Variants in PECR observed in about 807,000 individuals in gnomAD.
The protein encoded by PECR is 2,4-dienoyl-CoA reductase-related protein.
PECR carries 30 observed loss-of-function variants against 35.3 expected under a neutral mutation model. The observed-to-expected ratio is 0.85, with a 90% CI of 0.64 to 1.15. The LOEUF is 1.15. Among genes scored for constraint, PECR ranks in the 50% most tolerant of loss-of-function variants. The probability of loss-of-function intolerance (pLI) is 0.00; values close to 1 mark genes in which losing one functional copy is unlikely to be tolerated. For missense variants in PECR, 392 were observed against 370.8 expected (o/e 1.06, Z -0.47); for synonymous variants, 148 against 138.9 (o/e 1.07, Z -0.46).
rs376513175 is a variant in PECR at position 216,066,469 on chromosome 2, C to T, written c.174G>A (p.Ala58=). 276 of 1,613,510 alleles carry T rather than the reference C, an allele frequency of 1.7e-4. No individual in the cohort carries two copies. Among genetic ancestry groups the T allele is most frequent in the Middle Eastern group, 1.3e-3 (8 of 6,058 alleles). ...GTAGGTTGGCCTGCAGTTCATCTGC[C>T]GCAGACTTCAATCTCTCCAACTTAC... ...ASRKLERLKS[A]ADELQANLPP... The change falls in exon 2 of 8, where the codon GCG becomes GCA. Residue 58 remains alanine (A), a synonymous_variant. Coordinates refer to ENST00000265322, the MANE Select transcript of PECR (RefSeq NM_018441.6).
intron 3 of PECR, among the ~76,000 whole-genome samples, chr2:216,061,235 C>T (rs544207440): frequency 1.4e-5 from 2 of 139,198 alleles, no homozygotes; most frequent in African/African-American, 5.3e-5. Context: ...TCGATTGAGC[C>T]CAGGGGGTGG....
At chr2:216,047,828 A>G (rs1406204952) in intron 6 of PECR, among the ~76,000 whole-genome samples, 1 of 152,168 alleles carries the variant, frequency 6.6e-6, no homozygotes, top group African/African-American at 2.4e-5. Flanking sequence ...GGGAAACCTG[A>G]CTTTTTAATA....
In PECR at chr2:216,042,990, T is replaced by C. The variant is rs561528175; in HGVS notation, c.826+914A>G. On this transcript the variant is annotated intron_variant, in intron 7 of 7. Transcript: ENST00000265322. The stretch of plus-strand genomic sequence containing the variant: ...ACATACGTATATGTGTATATATATA[T>C]ACATACGTATATGTGTATATATATA... Among the ~76,000 whole-genome samples, 86 of 120,746 alleles carry C rather than the reference T, an allele frequency of 7.1e-4. 1 individual carries two copies. Among genetic ancestry groups the C allele is most frequent in the Non-Finnish European group, 1.1e-3 (60 of 55,476 alleles). 79.2% of individuals were successfully genotyped at this position (120,746 alleles called of 152,430 possible).
Position 216,039,344 on chromosome 2 carries a change from G to A in PECR, c.843C>T (p.Pro281=). Residue 281 remains proline, a synonymous_variant, in exon 8 of 8, where the codon CCC becomes CCT. Transcript: ENST00000265322. The part of the protein sequence containing the change: ...SYEVPDHDNW[P]KGAGDLSVVK... ...CAACAGAAAGGTCCCCTGCTCCCTT[G>A]GGCCAGTTGTCATGATCTGTTAAAG... 3.1e-6 allele frequency: 5 copies of A among 1,603,354 alleles called. No individual in the cohort carries two copies. The highest frequency in any genetic ancestry group is 4.3e-6 in the Non-Finnish European group (5 of 1,170,282).
chr2:216,055,113 C>CAA (rs955021535), intron 4 of PECR, among the ~76,000 whole-genome samples: 996 of 54,464 alleles, frequency 0.018, 15 homozygotes, highest in African/African-American at 0.063. Flanking sequence ...CTGTGTCTTA[C>CAA]AAAAAAAAAA....
intron 6 of PECR, among the ~76,000 whole-genome samples, chr2:216,049,016 A>G (rs999090221): frequency 6.6e-6 from 1 of 152,186 alleles, no homozygotes; most frequent in African/African-American, 2.4e-5. Context: ...GTAGCTGAAA[A>G]TACAGTAAAA....
At chr2:216,044,200 C>G (rs2163015) in intron 6 of PECR, among the ~76,000 whole-genome samples, 185 bp from the exon 7 acceptor site, 10,926 of 152,274 alleles carry the variant, frequency 0.072, 568 homozygotes, top group South Asian at 0.2. Context: ...CCCTTTCTAC[C>G]TGAGCATCAC....
chr2:216,031,924 C>T (rs757284347), intron 7 of PECR, among the ~76,000 whole-genome samples: 6 of 152,162 alleles, frequency 3.9e-5, no homozygotes, highest in African/African-American at 1.4e-4. Flanking sequence ...TCTACTTCTC[C>T]GTATTTTTGT....
downstream of PECR, among the ~76,000 whole-genome samples, chr2:216,036,336 C>G (rs1694792408): frequency 6.6e-6 from 1 of 152,206 alleles, no homozygotes; most frequent in African/African-American, 2.4e-5. Context: ...GGGAGTGGCC[C>G]TGCATTCCAT....
intron 1 of PECR, among the ~76,000 whole-genome samples, chr2:216,069,894 C>G (rs1164755611): frequency 2.0e-5 from 3 of 150,088 alleles, no homozygotes; most frequent in Non-Finnish European, 4.4e-5. Flanking sequence ...TGAGATCGTG[C>G]CATTGCACCC....
At chr2:216,046,171 T>C (rs961046730) in intron 6 of PECR, among the ~76,000 whole-genome samples, 1 of 150,786 alleles carries the variant, frequency 6.6e-6, no homozygotes, top group African/African-American at 2.4e-5. Context: ...TTATTTATGT[T>C]AACATGTACT....
Position 216,081,692 on chromosome 2 carries a change from T to C in PECR, c.50A>G (p.Gln17Arg), listed in dbSNP as rs148596575. ...GRSYLAPGLL[Q>R]GQVAIVTGGA... ...GCCGGTGACGATGGCCACTTGGCCC[T>C]GCAGCAAACCAGGCGCCAGGTAGCT... is the stretch of plus-strand genomic sequence containing the variant. Residue 17 changes from glutamine to arginine, a missense_variant, in exon 1 of 8, where the codon CAG becomes CGG. By Grantham distance (43) the Gln-to-Arg change is conservative (BLOSUM62 1). Transcript: ENST00000265322. 5.0e-6 allele frequency: 8 copies of C among 1,613,558 alleles called. 1 individual carries two copies. In the African/African-American group the frequency reaches 5.3e-5, roughly 11 times the overall value.
At chr2:216,071,777 T>C (rs767961545) in intron 1 of PECR, among the ~76,000 whole-genome samples, 4 of 152,242 alleles carry the variant, frequency 2.6e-5, no homozygotes, top group Non-Finnish European at 4.4e-5. Context: ...TATTTAACTC[T>C]ACCTCTATTT....
At chr2:216,077,954 C>A (rs1695745512) in intron 1 of PECR, among the ~76,000 whole-genome samples, 1 of 150,128 alleles carries the variant, frequency 6.7e-6, no homozygotes. Context: ...TAATGAACAT[C>A]TAAATTATCT....
At chr2:216,056,820 A>T (rs1695235922) in intron 4 of PECR, among the ~76,000 whole-genome samples, 1 of 151,980 alleles carries the variant, frequency 6.6e-6, no homozygotes, top group Admixed American at 6.6e-5. Flanking sequence ...CTATAGACAC[A>T]TATACACATA....
At chr2:216,058,355 G>C (rs1695271583) in intron 4 of PECR, among the ~76,000 whole-genome samples, 1 of 152,062 alleles carries the variant, frequency 6.6e-6, no homozygotes, top group Non-Finnish European at 1.5e-5. Flanking sequence ...AAATGAGCAG[G>C]GTACTAAAAT....
intron 5 of PECR, among the ~76,000 whole-genome samples, chr2:216,049,784 A>G (rs184223299): frequency 2.7e-4 from 41 of 152,354 alleles, no homozygotes; most frequent in South Asian, 1.9e-3. Context: ...GAAAAATGCA[A>G]TATTTTCTTG....
intron 4 of PECR, among the ~76,000 whole-genome samples, chr2:216,052,357 C>T (rs1042860034): frequency 6.6e-6 from 1 of 152,172 alleles, no homozygotes. Flanking sequence ...TGGTAAAAAA[C>T]AGATTATTTA....
At chr2:216,047,865 T>C (rs1695025497) in intron 6 of PECR, among the ~76,000 whole-genome samples, 1 of 152,152 alleles carries the variant, frequency 6.6e-6, no homozygotes, top group South Asian at 2.1e-4. Flanking sequence ...TCAAGGAATA[T>C]TATATGCCCC....
Sources: gnomAD v4.1 joint callset for allele counts (sites outside exome capture counted in the v4.1 genomes callset) on GRCh38, gnomAD v4.1.1 for gene constraint, MANE v1.5 for transcripts, NCBI Gene and HGNC (gene_info 2026-07-23, HGNC 2026-07-21) for gene names.